The following TFDP2 variants were observed in gnomAD, a reference collection of about 807,000 sequenced individuals.
TFDP2 encodes the protein transcription factor Dp-2.
Under a neutral mutation model 59.3 loss-of-function variants are expected in TFDP2, and 17 were observed. That is an observed-to-expected ratio of 0.29 (90% CI 0.20 to 0.43). The LOEUF (loss-of-function observed/expected upper bound fraction) is 0.43, where lower values mean the gene tolerates loss of function less well. TFDP2 is among the 20% of genes least tolerant of loss of function. The probability of loss-of-function intolerance (pLI) is 1.00; values close to 1 mark genes in which losing one functional copy is unlikely to be tolerated. For missense variants in TFDP2, 391 were observed against 528.8 expected (o/e 0.74, Z 2.56); for synonymous variants, 180 against 194.7 (o/e 0.92, Z 0.63).
intron 8 of TFDP2, among the ~76,000 whole-genome samples, chr3:141,972,764 G>GT (rs1939962824): frequency 1.3e-5 from 2 of 152,230 alleles, no homozygotes; most frequent in South Asian, 4.2e-4. Context: ...GAGAATGACA[G>GT]TACCTTGGGG....
intron 3 of TFDP2, among the ~76,000 whole-genome samples, chr3:142,062,256 G>A (rs971782359): frequency 2.6e-5 from 4 of 151,674 alleles, no homozygotes; most frequent in Non-Finnish European, 4.4e-5. Flanking sequence ...TCATGTTATC[G>A]GTAAGGCTTT....
chr3:142,110,831 T>C (rs1427201547), intron 1 of TFDP2, among the ~76,000 whole-genome samples: 2 of 151,856 alleles, frequency 1.3e-5, no homozygotes, highest in Non-Finnish European at 2.9e-5. Flanking sequence ...CACACACCTG[T>C]GGTCCCAGCT....
intron 3 of TFDP2, among the ~76,000 whole-genome samples, chr3:142,009,656 G>T (rs762340938): frequency 6.7e-6 from 1 of 150,368 alleles, no homozygotes; most frequent in Non-Finnish European, 1.5e-5. Context: ...GTTGCAGACA[G>T]CCAAGATAGC....
At chr3:142,054,699 A>G (rs965718803) in intron 3 of TFDP2, among the ~76,000 whole-genome samples, 5 of 151,868 alleles carry the variant, frequency 3.3e-5, no homozygotes, top group Non-Finnish European at 7.4e-5. Context: ...CTGATTTGTG[A>G]TTTGTCAACA....
chr3:141,994,366 T>C (rs1409479365), intron 5 of TFDP2: 2 of 152,166 alleles, frequency 1.3e-5, no homozygotes, highest in Non-Finnish European at 2.9e-5. Context: ...ACTTCTAAAG[T>C]AACAAAACGT....
chr3:142,080,277 T>A (rs1056562405), intron 3 of TFDP2, among the ~76,000 whole-genome samples: 16 of 152,112 alleles, frequency 1.1e-4, no homozygotes, highest in Non-Finnish European at 4.4e-5. Flanking sequence ...TTATCATCTG[T>A]TTAAAAAATA....
chr3:141,965,335 A>G (rs1576477133), intron 9 of TFDP2, among the ~76,000 whole-genome samples: 1 of 151,652 alleles, frequency 6.6e-6, no homozygotes, highest in South Asian at 2.1e-4. Context: ...AAGTTTCAGT[A>G]AGATTACTAT....
intron 3 of TFDP2, among the ~76,000 whole-genome samples, chr3:142,084,444 C>T (rs920060867): frequency 5.9e-5 from 9 of 152,136 alleles, no homozygotes; most frequent in Non-Finnish European, 1.3e-4. Context: ...AATTGAGCTA[C>T]CACATGATCC....
At chr3:141,979,087 G>A (rs1326041315) in intron 6 of TFDP2, among the ~76,000 whole-genome samples, 1 of 152,094 alleles carries the variant, frequency 6.6e-6, no homozygotes, top group Non-Finnish European at 1.5e-5. Flanking sequence ...TGCCACATAA[G>A]GACATTTCAG....
At chr3:142,049,904 C>A (rs1947524763) in intron 3 of TFDP2, among the ~76,000 whole-genome samples, 1 of 152,006 alleles carries the variant, frequency 6.6e-6, no homozygotes, top group African/African-American at 2.4e-5. Flanking sequence ...AAGAGTTATA[C>A]AATGGAAACT....
intron 3 of TFDP2, among the ~76,000 whole-genome samples, chr3:142,078,176 T>C (rs906920582): frequency 6.6e-6 from 1 of 152,086 alleles, no homozygotes; most frequent in Non-Finnish European, 1.5e-5. Context: ...CAGACCCAGG[T>C]AGATTTCTAA....
intron 1 of TFDP2, among the ~76,000 whole-genome samples, chr3:142,141,495 A>T (rs181240395): frequency 5.0e-4 from 76 of 152,342 alleles, no homozygotes; most frequent in East Asian, 1.7e-3. Flanking sequence ...CTATTCGGCC[A>T]TCTTGAACGA....
At chr3:142,026,330 CA>C (rs367909508) in intron 3 of TFDP2, among the ~76,000 whole-genome samples, 10,583 of 150,324 alleles carry the variant, frequency 0.07, 471 homozygotes, top group Non-Finnish European at 0.11. Context: ...AAAAAAACAA[CA>C]AAAAAAAACA....
chr3:142,057,878 T>C (rs566508277), intron 3 of TFDP2, among the ~76,000 whole-genome samples: 8 of 152,074 alleles, frequency 5.3e-5, no homozygotes, highest in African/African-American at 9.7e-5. Context: ...CATCACAGAG[T>C]TTCTGCTATT....
At position 142,149,418 on chromosome 3, in the gene TFDP2, C is replaced by T. The variant is rs76736784; in HGVS notation, c.-328G>A. On this transcript the variant is annotated 5_prime_UTR_variant, in exon 1 of 13. Transcript: ENST00000489671. ...CCAAAGATGAAGGGTCAGGGCGCGC[C>T]CCGCGGGCCGGGCAGCTGCGGCAGC... 2.9e-3 allele frequency: 1,121 copies of T among 384,570 alleles called. 7 individuals carry two copies. The highest frequency in any genetic ancestry group is 0.021 in the African/African-American group (1,027 of 48,062). 23.8% of individuals were successfully genotyped at this position (384,570 alleles called of 1,614,324 possible).
At chr3:142,075,306 C>T (rs2060404159) in intron 3 of TFDP2, among the ~76,000 whole-genome samples, 1 of 152,160 alleles carries the variant, frequency 6.6e-6, no homozygotes, top group Non-Finnish European at 1.5e-5. Flanking sequence ...AATGATATAT[C>T]TGAAAAGAGG....
intron 3 of TFDP2, among the ~76,000 whole-genome samples, chr3:142,027,819 T>C (rs796901948): frequency 1.3e-5 from 2 of 152,266 alleles, no homozygotes; most frequent in African/African-American, 4.8e-5. Flanking sequence ...TCATATAGCA[T>C]CTTGTATGCT....
intron 1 of TFDP2, among the ~76,000 whole-genome samples, chr3:142,116,929 A>AT (rs59708446): frequency 0.087 from 13,082 of 149,984 alleles, 690 homozygotes; most frequent in Middle Eastern, 0.15. Flanking sequence ...CTGGAAAAGG[A>AT]TTTTTTTTTT....
In TFDP2 at chr3:141,948,514, G is replaced by T. The variant is rs1935507963; in HGVS notation, c.*3999C>A. 1 of 150,082 alleles carries T rather than the reference G, an allele frequency of 6.7e-6. No individual in the cohort carries two copies. Among genetic ancestry groups the T allele is most frequent in the Non-Finnish European group, 1.5e-5 (1 of 68,018 alleles). 9.3% of individuals were successfully genotyped at this position (150,082 alleles called of 1,614,324 possible). On this transcript the variant is annotated 3_prime_UTR_variant, in exon 13 of 13. Transcript: ENST00000489671. ...GCCGGGATTGCGCCACTACACTCCA[G>T]CCTGGCGACAGAGCAAGACTCCGTC...
Sources: gnomAD v4.1 joint callset for allele counts (sites outside exome capture counted in the v4.1 genomes callset) on GRCh38, gnomAD v4.1.1 for gene constraint, MANE v1.5 for transcripts, NCBI Gene and HGNC (gene_info 2026-07-23, HGNC 2026-07-21) for gene names.